AMOTL1: variants seen among roughly 807,000 people sequenced by gnomAD.
The protein encoded by AMOTL1 is angiomotin like 1, also known as angiomotin-like protein 1.
A neutral mutation model predicts 102.9 loss-of-function variants in AMOTL1; 45 were observed. The observed-to-expected ratio is 0.44, with a 90% CI of 0.34 to 0.56. AMOTL1 has a LOEUF of 0.56. Ranked by LOEUF, AMOTL1 falls within the 20% of genes least tolerant of loss-of-function variation. The pLI is 0.01. For synonymous variants in AMOTL1, 481 were observed against 484.7 expected (o/e 0.99, Z 0.10); for missense variants, 1,114 against 1,225.6 (o/e 0.91, Z 1.36).
intron 11 of AMOTL1, among the ~76,000 whole-genome samples, chr11:94,867,411 A>G (rs1051829537): frequency 9.9e-5 from 15 of 151,942 alleles, no homozygotes; most frequent in African/African-American, 3.1e-4. Context: ...TCTGGTAGCA[A>G]CCTCCCTGGG....
At chr11:94,786,649 C>CA (rs1951194340) in intron 1 of AMOTL1, among the ~76,000 whole-genome samples, 1 of 152,068 alleles carries the variant, frequency 6.6e-6, no homozygotes, top group Admixed American at 6.5e-5. Context: ...ACATTATGTA[C>CA]AAAGCCTTTG....
chr11:94,789,422 G>A (rs904322822), intron 1 of AMOTL1, among the ~76,000 whole-genome samples: 4 of 152,256 alleles, frequency 2.6e-5, no homozygotes, highest in Admixed American at 6.5e-5. Flanking sequence ...GCCTCCCGAA[G>A]TGCTGGGATT....
At chr11:94,760,127 CT>C (rs1950774280) in intron 3 of AMOTL1, among the ~76,000 whole-genome samples, 2 of 152,336 alleles carry the variant, frequency 1.3e-5, no homozygotes, top group South Asian at 4.1e-4. Context: ...GAGTCTTCTC[CT>C]GTTTTCAACA....
At chr11:94,707,989 C>T (rs116066882) in intron 1 of AMOTL1, among the ~76,000 whole-genome samples, 2,338 of 152,256 alleles carry the variant, frequency 0.015, 59 homozygotes, top group African/African-American at 0.053. Context: ...AATGATGGTT[C>T]TAAAATAATT....
intron 1 of AMOTL1, among the ~76,000 whole-genome samples, chr11:94,786,732 A>G (rs1048731787): frequency 6.6e-6 from 1 of 152,232 alleles, no homozygotes; most frequent in Non-Finnish European, 1.5e-5. Context: ...TCCCCGCAAC[A>G]GCTTTTACCT....
intron 3 of AMOTL1, among the ~76,000 whole-genome samples, chr11:94,808,360 A>G (rs1271114949): frequency 6.6e-6 from 1 of 152,232 alleles, no homozygotes; most frequent in African/African-American, 2.4e-5. Flanking sequence ...TTAATTTTGC[A>G]TAGGAAAATG....
intron 2 of AMOTL1, chr11:94,740,881 C>A: frequency 1.6e-6 from 2 of 1,254,700 alleles, no homozygotes; most frequent in Admixed American, 2.3e-5. Flanking sequence ...GGTGCTTGTG[C>A]GGGTTCGTCC....
intron 1 of AMOTL1, among the ~76,000 whole-genome samples, chr11:94,710,606 T>G (rs200358607): frequency 6.6e-6 from 1 of 152,220 alleles, no homozygotes; most frequent in Non-Finnish European, 1.5e-5. Context: ...AATGATACTT[T>G]GTTGCAAGTC....
At chr11:94,741,675 ACT>A (rs1565335496) in intron 3 of AMOTL1, among the ~76,000 whole-genome samples, 2 of 150,756 alleles carry the variant, frequency 1.3e-5, no homozygotes, top group African/African-American at 4.9e-5. Context: ...GATCTCTCTA[ACT>A]CTTCCTGCCA....
upstream of AMOTL1, among the ~76,000 whole-genome samples, chr11:94,767,155 T>C (rs1289551107): frequency 3.3e-5 from 5 of 152,202 alleles, no homozygotes; most frequent in Non-Finnish European, 5.9e-5. Context: ...CTTGTCTTCT[T>C]AGACAGATAA....
chr11:94,711,477 GTGTT>G (rs940036312), intron 1 of AMOTL1, among the ~76,000 whole-genome samples: 2 of 152,002 alleles, frequency 1.3e-5, no homozygotes, highest in Admixed American at 6.6e-5. Flanking sequence ...GTGTGTGTGT[GTGTT>G]TGTGTGTGTG....
chr11:94,766,434 G>A (rs1027570392), upstream of AMOTL1, among the ~76,000 whole-genome samples: 1 of 152,216 alleles, frequency 6.6e-6, no homozygotes, highest in Non-Finnish European at 1.5e-5. Flanking sequence ...CACAGATACT[G>A]AATGGTGGAG....
At chr11:94,746,857 T>C (rs1478463436) in intron 3 of AMOTL1, among the ~76,000 whole-genome samples, 1 of 152,180 alleles carries the variant, frequency 6.6e-6, no homozygotes, top group African/African-American at 2.4e-5. Context: ...GGCCACCTTA[T>C]TCTTCTTTGT....
At chr11:94,788,761 T>G (rs1951235612) in intron 1 of AMOTL1, among the ~76,000 whole-genome samples, 1 of 152,236 alleles carries the variant, frequency 6.6e-6, no homozygotes, top group Non-Finnish European at 1.5e-5. Flanking sequence ...AATTGTTACT[T>G]TAAAGGTTAA....
At chr11:94,796,866 C>A in intron 2 of AMOTL1, 1 of 428,768 alleles carries the variant, frequency 2.3e-6, no homozygotes, top group Non-Finnish European at 3.1e-6. Flanking sequence ...TGGCATATGT[C>A]TATTTACATA....
chr11:94,788,500 G>A (rs573795806), intron 1 of AMOTL1, among the ~76,000 whole-genome samples: 1 of 152,042 alleles, frequency 6.6e-6, no homozygotes, highest in African/African-American at 2.4e-5. Flanking sequence ...TTTTCCCTCC[G>A]GTTCAATTTC....
At chr11:94,853,463 T>C (rs1790404128) in intron 7 of AMOTL1, among the ~76,000 whole-genome samples, 1 of 152,230 alleles carries the variant, frequency 6.6e-6, no homozygotes, top group Non-Finnish European at 1.5e-5. Context: ...TCCATGTCCC[T>C]ACAGAGGACG....
chr11:94,859,159 T>C (rs992714664), intron 8 of AMOTL1, among the ~76,000 whole-genome samples: 1 of 152,142 alleles, frequency 6.6e-6, no homozygotes, highest in African/African-American at 2.4e-5. Context: ...AAGACTTAAT[T>C]CCTATTCTTG....
chr11:94,814,350 G>A (rs1951730429), intron 3 of AMOTL1, among the ~76,000 whole-genome samples: 1 of 152,126 alleles, frequency 6.6e-6, no homozygotes, highest in African/African-American at 2.4e-5. Flanking sequence ...AGAGAGCACT[G>A]GCCTCACAAA....
Sources: allele counts gnomAD v4.1 joint callset (sites outside exome capture counted in the v4.1 genomes callset), GRCh38; gene constraint gnomAD v4.1.1; transcripts MANE v1.5; gene names NCBI Gene and HGNC (gene_info 2026-07-23, HGNC 2026-07-21).